PI4K2A: variants seen among roughly 807,000 people sequenced by gnomAD.
PI4K2A encodes phosphatidylinositol 4-kinase type 2 alpha, also known as phosphatidylinositol 4-kinase type 2-alpha.
Under a neutral mutation model 55.0 loss-of-function variants are expected in PI4K2A, and 20 were observed. The ratio of observed to expected loss-of-function variants is 0.36; its 90% CI spans 0.26 to 0.53. PI4K2A has a LOEUF of 0.53. Among genes scored for constraint, PI4K2A ranks in the 20% least tolerant of loss-of-function variants. PI4K2A has a pLI of 0.91. For missense variants in PI4K2A, 463 were observed against 637.1 expected, an observed-to-expected ratio of 0.73 and a Z score of 2.94; for synonymous variants, 235 against 258.5, an observed-to-expected ratio of 0.91 and a Z score of 0.87.
intron 1 of PI4K2A, among the ~76,000 whole-genome samples, chr10:97,644,289 T>C (rs1393290130): frequency 6.6e-6 from 1 of 152,172 alleles, no homozygotes; most frequent in African/African-American, 2.4e-5. Flanking sequence ...AGGTGGAGGT[T>C]GCAGTGAGCC....
chr10:97,661,939 T>G (rs1199877012), intron 4 of PI4K2A, among the ~76,000 whole-genome samples: 1 of 149,962 alleles, frequency 6.7e-6, no homozygotes, highest in African/African-American at 2.5e-5. Flanking sequence ...TGCAGCAGCC[T>G]CCAACACTTG....
At chr10:97,647,664 C>G (rs961766450) in intron 1 of PI4K2A, among the ~76,000 whole-genome samples, 3 of 152,182 alleles carry the variant, frequency 2.0e-5, no homozygotes, top group Non-Finnish European at 4.4e-5. Context: ...TCCTGAAAGG[C>G]ACTTGTCTCC....
In PI4K2A at chr10:97,651,011, G is replaced by A; in HGVS notation, c.506G>A (p.Trp169Ter). 6.2e-7 allele frequency: 1 copy of A among 1,613,988 alleles called. No individual in the cohort carries two copies. Among genetic ancestry groups the A allele is most frequent in the Non-Finnish European group, 8.5e-7 (1 of 1,179,834 alleles). ...CATCTTAATCCTAAGTGGACCAAGT[G>A]GCTGCAGAAGCTGTGCTGTCCTTGC... Residue 169 changes from tryptophan to a stop codon, truncating the protein, a stop_gained, in exon 2 of 9, where the codon TGG becomes TAG. Coordinates refer to ENST00000370631, the Ensembl canonical transcript of PI4K2A. LOFTEE classifies it high-confidence loss of function.
intron 8 of PI4K2A, among the ~76,000 whole-genome samples, chr10:97,669,151 C>T (rs1429616809): frequency 6.6e-6 from 1 of 152,180 alleles, no homozygotes; most frequent in African/African-American, 2.4e-5. Flanking sequence ...CAGGAGTGAG[C>T]CACTGAGCCC....
At chr10:97,645,089 T>C (rs1171102131) in intron 1 of PI4K2A, among the ~76,000 whole-genome samples, 1 of 152,188 alleles carries the variant, frequency 6.6e-6, no homozygotes, top group Non-Finnish European at 1.5e-5. Context: ...AAAGGGTTTT[T>C]TGAGCTTTTT....
At chr10:97,645,163 C>A (rs1219617216) in intron 1 of PI4K2A, among the ~76,000 whole-genome samples, 1 of 152,078 alleles carries the variant, frequency 6.6e-6, no homozygotes, top group Non-Finnish European at 1.5e-5. Flanking sequence ...GCATGTGACT[C>A]ACTAGGTTAA....
chr10:97,657,736 T>G (rs1410176281), intron 4 of PI4K2A, among the ~76,000 whole-genome samples: 1 of 152,182 alleles, frequency 6.6e-6, no homozygotes, highest in African/African-American at 2.4e-5. Context: ...TTAATCATAG[T>G]AAAATGCATG....
At chr10:97,640,768 C>A (rs146171100) in exon 1 of PI4K2A, 12 of 1,507,714 alleles carry the variant, frequency 8.0e-6, no homozygotes, top group East Asian at 5.4e-5. Context: ...CCACTAGTGT[C>A]CCCCGAGCGG....
At chr10:97,671,912 C>CCAAAGTGCTAGGATTA (rs1342305972) in intron 8 of PI4K2A, among the ~76,000 whole-genome samples, 13 of 152,128 alleles carry the variant, frequency 8.5e-5, no homozygotes, top group Admixed American at 6.5e-4. Flanking sequence ...CTTCGGCCTC[C>CCAAAGTGCTAGGATTA]CAAAGTGCTA....
intron 6 of PI4K2A, 144 bp from the exon 7 acceptor site, chr10:97,666,294 G>C: frequency 1.4e-6 from 1 of 692,568 alleles, no homozygotes; most frequent in South Asian, 1.9e-5. Flanking sequence ...AACCTTTACA[G>C]TTAAGAGCAC....
intron 4 of PI4K2A, among the ~76,000 whole-genome samples, chr10:97,660,152 C>T (rs964520138): frequency 2.0e-5 from 3 of 151,294 alleles, no homozygotes; most frequent in African/African-American, 7.3e-5. Context: ...CAGGCGCCTG[C>T]TACCACGCCC....
chr10:97,672,958 AT>A (rs1331119649), intron 8 of PI4K2A, among the ~76,000 whole-genome samples: 1 of 146,262 alleles, frequency 6.8e-6, no homozygotes, highest in African/African-American at 2.5e-5. Context: ...GGATCTGTTC[AT>A]TTTTAAGTGT....
At chr10:97,642,217 C>T (rs1438948206) in intron 1 of PI4K2A, among the ~76,000 whole-genome samples, 1 of 152,008 alleles carries the variant, frequency 6.6e-6, no homozygotes, top group African/African-American at 2.4e-5. Context: ...CCAGGACGGG[C>T]TGTTACTTGT....
At chr10:97,661,537 T>C (rs1417401277) in intron 4 of PI4K2A, among the ~76,000 whole-genome samples, 1 of 152,090 alleles carries the variant, frequency 6.6e-6, no homozygotes, top group East Asian at 1.9e-4. Flanking sequence ...TGTTTTTTTT[T>C]TGGAGATGGG....
intron 1 of PI4K2A, among the ~76,000 whole-genome samples, chr10:97,649,373 C>T (rs1382471186): frequency 6.6e-6 from 1 of 152,132 alleles, no homozygotes; most frequent in Non-Finnish European, 1.5e-5. Flanking sequence ...CTAGGCATCC[C>T]ATATTTCCAA....
chr10:97,664,917 T>C (rs1170372106), exon 6 of PI4K2A: 8 of 1,614,070 alleles, frequency 5.0e-6, no homozygotes, highest in Non-Finnish European at 6.8e-6. Context: ...AGGAGCCTGT[T>C]ATCAAGGTGG....
At chr10:97,672,797 T>G (rs1241094650) in intron 8 of PI4K2A, among the ~76,000 whole-genome samples, 1 of 140,620 alleles carries the variant, frequency 7.1e-6, no homozygotes, top group Non-Finnish European at 1.5e-5. Flanking sequence ...GGTGACATGA[T>G]CTCAGCTCAC....
intron 2 of PI4K2A, among the ~76,000 whole-genome samples, chr10:97,652,659 A>AG (rs918885576): frequency 1.3e-5 from 2 of 152,168 alleles, no homozygotes; most frequent in Non-Finnish European, 2.9e-5. Flanking sequence ...ATTGATCAGC[A>AG]GTAGAAACTT....
Position 97,666,515 on chromosome 10 carries a change from A to G in PI4K2A, c.1162A>G (p.Ile388Val), listed in dbSNP as rs774197942. ...GATCAAAGATCTGATCCTTCCAAAG[A>G]TATCGGACCCTAACTTCGTCAAGGA... is the stretch of plus-strand genomic sequence containing the variant. Residue 388 changes from isoleucine (I) to valine (V), a missense_variant, in exon 7 of 9, where the codon ATA (isoleucine) becomes GTA (valine). Transcript: ENST00000370631. The G allele has an allele frequency of 5.6e-6, 9 of 1,613,618 alleles. No homozygotes were observed. In the Admixed American group the frequency reaches 1.5e-4, roughly 27 times the overall value.
Sources: gnomAD v4.1 joint callset for allele counts (sites outside exome capture counted in the v4.1 genomes callset) on GRCh38, gnomAD v4.1.1 for gene constraint, MANE v1.5 for transcripts, NCBI Gene and HGNC (gene_info 2026-07-23, HGNC 2026-07-21) for gene names.